LONRF1: variants seen among roughly 807,000 people sequenced by gnomAD.
LONRF1 encodes LON peptidase N-terminal domain and ring finger 1, also known as LON peptidase N-terminal domain and RING finger protein 1.
In LONRF1, 37 loss-of-function variants were observed where a neutral mutation model predicts 85.8. The observed-to-expected ratio is 0.43, with a 90% confidence interval of 0.33 to 0.57. The LOEUF (loss-of-function observed/expected upper bound fraction) is 0.57. Among genes scored for constraint, LONRF1 ranks in the 20% least tolerant of loss-of-function variants. LONRF1 has a pLI of 0.04. For synonymous variants in LONRF1, 517 were observed against 390.1 expected, an observed-to-expected ratio of 1.33 and a Z score of -3.83; for missense variants, 1,036 against 978.0, an observed-to-expected ratio of 1.06 and a Z score of -0.79.
chr8:12,730,765 A>G (rs913823638), intron 8 of LONRF1, among the ~76,000 whole-genome samples: 3 of 152,236 alleles, frequency 2.0e-5, no homozygotes, highest in Non-Finnish European at 4.4e-5. Context: ...CTATTTCTAT[A>G]AAGAGTGGAA....
chr8:12,751,455 C>CA (rs199910634), intron 1 of LONRF1, among the ~76,000 whole-genome samples: 2,567 of 150,878 alleles, frequency 0.017, 84 homozygotes, highest in African/African-American at 0.06. Context: ...AGGCATGCAC[C>CA]ACCACGCCTG....
intron 1 of LONRF1, among the ~76,000 whole-genome samples, chr8:12,746,741 G>GAGTAT (rs1175995544): frequency 2.0e-5 from 3 of 152,158 alleles, no homozygotes; most frequent in Admixed American, 6.5e-5. Context: ...AAACAGTGAA[G>GAGTAT]AGTATATGCA....
intron 7 of LONRF1, 152 bp from the exon 8 acceptor site, chr8:12,732,009 T>G: frequency 1.3e-6 from 1 of 759,170 alleles, no homozygotes; most frequent in Non-Finnish European, 2.1e-6. Context: ...TGGATGATGC[T>G]AAGCAAAAAA....
At chr8:12,738,994 T>C (rs1460214192) in intron 3 of LONRF1, among the ~76,000 whole-genome samples, 3 of 152,166 alleles carry the variant, frequency 2.0e-5, no homozygotes, top group Non-Finnish European at 2.9e-5. Context: ...AAAGCACGTA[T>C]CTTTGGTAGG....
intron 7 of LONRF1, 128 bp from the exon 8 acceptor site, chr8:12,731,985 G>A (rs1205697588): frequency 2.3e-6 from 2 of 867,816 alleles, no homozygotes; most frequent in East Asian, 2.6e-5. Flanking sequence ...TAATTAGTGA[G>A]GGGAACATTA....
chr8:12,725,699 T>C, intron 11 of LONRF1, 28 bp downstream of exon 11: 1 of 1,590,570 alleles, frequency 6.3e-7, no homozygotes, highest in Non-Finnish European at 8.6e-7. Flanking sequence ...AAAAAGTGAC[T>C]TTTGGAAGAA....
chr8:12,728,532 C>G (rs1798406640), intron 10 of LONRF1, among the ~76,000 whole-genome samples: 1 of 152,178 alleles, frequency 6.6e-6, no homozygotes, highest in Non-Finnish European at 1.5e-5. Flanking sequence ...TAAAACAGGG[C>G]AGAAATGTAA....
At chr8:12,728,856 A>G in intron 10 of LONRF1, 45 bp downstream of exon 10, 7 of 1,604,004 alleles carry the variant, frequency 4.4e-6, no homozygotes, top group Non-Finnish European at 6.0e-6. Flanking sequence ...CAATCCCTGG[A>G]ACAGGATATA....
At chr8:12,739,866 T>G (rs1378313961) in intron 3 of LONRF1, among the ~76,000 whole-genome samples, 2 of 152,174 alleles carry the variant, frequency 1.3e-5, no homozygotes, top group African/African-American at 4.8e-5. Context: ...ATTTTCTTCT[T>G]AAATCAGTGG....
At chr8:12,741,331 C>T (rs996341722) in intron 2 of LONRF1, among the ~76,000 whole-genome samples, 1 of 152,158 alleles carries the variant, frequency 6.6e-6, no homozygotes, top group South Asian at 2.1e-4. Flanking sequence ...TTGCAGTGAG[C>T]TGAGATCACA....
At chr8:12,752,011 C>T (rs1026178374) in intron 1 of LONRF1, among the ~76,000 whole-genome samples, 12 of 152,230 alleles carry the variant, frequency 7.9e-5, no homozygotes, top group African/African-American at 2.6e-4. Flanking sequence ...AAATGGGAAA[C>T]TTCTGATTTT....
intron 9 of LONRF1, 53 bp downstream of exon 9, chr8:12,729,121 C>T: frequency 6.2e-7 from 1 of 1,609,890 alleles, no homozygotes; most frequent in Non-Finnish European, 8.5e-7. Flanking sequence ...AGTTCTCATC[C>T]ATATTGAGAG....
At chr8:12,753,396 T>C (rs1046760298) in intron 1 of LONRF1, 2 of 152,242 alleles carry the variant, frequency 1.3e-5, no homozygotes, top group African/African-American at 4.8e-5. Context: ...TTGGGGATTA[T>C]TCCCCTATCA....
rs767812436 is a variant in LONRF1, at chr8:12,723,103, G to C, written c.2315C>G (p.Ser772Cys). The C allele has an allele frequency of 2.5e-6, 4 of 1,610,688 alleles. No homozygotes were observed. The highest frequency in any genetic ancestry group is 1.7e-5 in the Admixed American group (1 of 59,432). Reference protein sequence around the residue: ...HILTYFSRDQSK With the variant: ...HILTYFSRDQCK ...GGAGATCCAAAGAGTTAGTTACTTA[G>C]ATTGGTCTCTAGAAAAATAGGTCAG... Residue 772 changes from serine (S) to cysteine (C), a missense_variant, in exon 12 of 12, where the codon TCT becomes TGT. Ser to Cys is a moderately radical substitution (Grantham distance 112). Coordinates refer to ENST00000398246, the MANE Select transcript of LONRF1 (RefSeq NM_152271.5).
chr8:12,750,339 G>A (rs1319066905), intron 1 of LONRF1, among the ~76,000 whole-genome samples: 1 of 152,192 alleles, frequency 6.6e-6, no homozygotes, highest in African/African-American at 2.4e-5. Flanking sequence ...ACCCAAGGGG[G>A]ATACGTTCCA....
At chr8:12,754,674 GC>G in intron 1 of LONRF1, 25 bp downstream of exon 1, 1 of 1,324,746 alleles carries the variant, frequency 7.5e-7, no homozygotes, top group South Asian at 2.1e-5. Context: ...GGTCGGCCCG[GC>G]CCCGCCGCAT....
chr8:12,743,270 A>C lies in LONRF1; in HGVS notation c.734T>G (p.Leu245Trp), dbSNP rs1318370047. ...CEALRAEPSDLIVKIYRAESY... is the reference protein window; with the variant it reads ...CEALRAEPSDWIVKIYRAESY... ...TTCCGCTCTGTAAATTTTTACAATC[A>C]AGTCACTGGGTTCTGAAATAAATAT... The change falls in exon 2 of 12, where the codon TTG (leucine) becomes TGG (tryptophan). Residue 245 changes from leucine to tryptophan, a missense_variant. Physicochemically the swap from Leu to Trp is moderately conservative, Grantham distance 61 (BLOSUM62 -2). Around this residue, in one of 3 missense-constraint regions of LONRF1, gnomAD observed 742 missense variants for 614.4 expected, o/e 1.21. Transcript: ENST00000398246. 6.3e-7 allele frequency: 1 copy of C among 1,585,764 alleles called. No homozygotes were observed. Among genetic ancestry groups the C allele is most frequent in the South Asian group, 1.1e-5 (1 of 89,738 alleles).
chr8:12,728,930 C>A lies in LONRF1; in HGVS notation c.1981G>T (p.Ala661Ser). ...KRGMKDGYCT[A>S]DIEYLEDVKV... ...ACATCTTCCAGATATTCAATGTCGG[C>A]AGTGCAATATCCATCTTTCATTCCT... The change falls in exon 10 of 12, where the codon GCC becomes TCC. Residue 661 changes from alanine (A) to serine (S), a missense_variant. Physicochemically the swap from Ala to Ser is moderately conservative, Grantham distance 99 (BLOSUM62 1). Transcript: ENST00000398246. 6.2e-7 allele frequency: 1 copy of A among 1,613,968 alleles called. No individual in the cohort carries two copies. Among genetic ancestry groups the A allele is most frequent in the Non-Finnish European group, 8.5e-7 (1 of 1,179,862 alleles).
chr8:12,727,525 G>C (rs940350840), intron 10 of LONRF1, among the ~76,000 whole-genome samples: 1 of 151,868 alleles, frequency 6.6e-6, no homozygotes, highest in Non-Finnish European at 1.5e-5. Context: ...AAGAGGACTC[G>C]TTTATAAATA....
Sources: allele counts gnomAD v4.1 joint callset (sites outside exome capture counted in the v4.1 genomes callset), GRCh38; gene constraint gnomAD v4.1.1; regional missense constraint gnomAD v4.1.1; transcripts MANE v1.5; gene names NCBI Gene and HGNC (gene_info 2026-07-23, HGNC 2026-07-21).